The following IQCJ variants were observed in gnomAD, a reference collection of about 807,000 sequenced individuals.
The protein encoded by IQCJ is IQ domain-containing protein J.
In IQCJ, 9 loss-of-function variants were observed where a neutral mutation model predicts 11.0. That is an observed-to-expected ratio of 0.82 (90% confidence interval 0.49 to 1.43). The LOEUF is 1.43. Among genes scored for constraint, IQCJ ranks in the 40% most tolerant of loss-of-function variants. The pLI, the probability that IQCJ is intolerant of heterozygous loss-of-function variation, is 0.00. For missense variants in IQCJ, 146 were observed against 133.2 expected (o/e 1.10, Z -0.47); for synonymous variants, 55 against 51.3 (o/e 1.07, Z -0.31).
At chr3:159,114,503 G>A (rs976747030) in intron 1 of IQCJ, among the ~76,000 whole-genome samples, 2 of 151,884 alleles carry the variant, frequency 1.3e-5, no homozygotes, top group Middle Eastern at 3.2e-3. Flanking sequence ...TAGAGAAGGG[G>A]TTTCGCCATG....
chr3:159,217,858 G>T (rs546741757), intron 1 of IQCJ, among the ~76,000 whole-genome samples: 1 of 151,992 alleles, frequency 6.6e-6, no homozygotes, highest in African/African-American at 2.4e-5. Context: ...CTATGGGCTC[G>T]CAGAGCCTGT....
intron 1 of IQCJ, among the ~76,000 whole-genome samples, chr3:159,206,867 C>T (rs746911972): frequency 3.9e-5 from 6 of 152,164 alleles, no homozygotes; most frequent in Non-Finnish European, 7.3e-5. Flanking sequence ...ATAAGTAAAA[C>T]TAATATTTAC....
chr3:159,161,604 C>T (rs1445550127), intron 1 of IQCJ, among the ~76,000 whole-genome samples: 1 of 152,102 alleles, frequency 6.6e-6, no homozygotes, highest in African/African-American at 2.4e-5. Context: ...AAGTCCTTGC[C>T]CATGCCTATG....
intron 1 of IQCJ, among the ~76,000 whole-genome samples, chr3:159,171,916 A>G (rs1348729859): frequency 1.3e-5 from 2 of 152,224 alleles, no homozygotes; most frequent in Admixed American, 6.5e-5. Context: ...TGGTCCAAGG[A>G]CAACATTTTG....
At chr3:159,154,210 G>T (rs747288514) in intron 1 of IQCJ, among the ~76,000 whole-genome samples, 1 of 152,116 alleles carries the variant, frequency 6.6e-6, no homozygotes, top group Non-Finnish European at 1.5e-5. Flanking sequence ...TTCACACTTA[G>T]ATTGCTTCAT....
intron 3 of IQCJ, among the ~76,000 whole-genome samples, chr3:159,259,391 T>C (rs1025017741): frequency 3.3e-5 from 5 of 152,172 alleles, no homozygotes; most frequent in Non-Finnish European, 7.3e-5. Context: ...CTTTAAATAA[T>C]TATAATGAAT....
chr3:159,107,135 AT>A (rs933554952), intron 1 of IQCJ, among the ~76,000 whole-genome samples: 5 of 152,130 alleles, frequency 3.3e-5, no homozygotes, highest in African/African-American at 1.2e-4. Flanking sequence ...TGTGGTTTAA[AT>A]TTTTGTGTCT....
In IQCJ at chr3:159,245,877, A is replaced by G. The variant is rs779733544; in HGVS notation, c.44A>G (p.Gln15Arg). 17 of 1,545,770 alleles carry G rather than the reference A, an allele frequency of 1.1e-5. No individual in the cohort carries two copies. Among genetic ancestry groups the G allele is most frequent in the African/African-American group, 6.8e-5 (5 of 73,288 alleles). The change falls in exon 2 of 4, where the codon CAA (glutamine) becomes CGA (arginine). Residue 15 changes from glutamine (Q) to arginine (R), a missense_variant. Physicochemically the swap from Gln to Arg is conservative, Grantham distance 43 (BLOSUM62 1). Coordinates refer to ENST00000397832, the MANE Select transcript of IQCJ (RefSeq NM_001042706.3). ...AAAAGATTGCAGAATCCTCTAGAAC[A>G]AGTTAATGATGGAAAATATTCATTT... The part of the protein sequence containing the change: ...ELKRLQNPLE[Q>R]VNDGKYSFEN...
At chr3:159,109,404 T>A (rs1718472075) in intron 1 of IQCJ, among the ~76,000 whole-genome samples, 2 of 151,962 alleles carry the variant, frequency 1.3e-5, no homozygotes, top group African/African-American at 4.8e-5. Flanking sequence ...TCTCACATTC[T>A]CTTGACTTGG....
chr3:159,105,225 A>G (rs61119579), intron 1 of IQCJ, among the ~76,000 whole-genome samples: 57,685 of 151,980 alleles, frequency 0.38, 11,947 homozygotes, highest in Non-Finnish European at 0.49. Flanking sequence ...ATTTGAACAC[A>G]TGTTTATCTG....
At chr3:159,252,881 G>A (rs944198127) in intron 3 of IQCJ, 74 bp downstream of exon 3, 40 of 1,426,320 alleles carry the variant, frequency 2.8e-5, no homozygotes, top group Non-Finnish European at 3.6e-5. Context: ...TGGAATTTTC[G>A]GGCACAACAG....
At chr3:159,213,777 C>T (rs534024275) in intron 1 of IQCJ, among the ~76,000 whole-genome samples, 3 of 152,270 alleles carry the variant, frequency 2.0e-5, no homozygotes, top group South Asian at 2.1e-4. Flanking sequence ...TAGATTCAAT[C>T]ACCTTCTTTC....
intron 1 of IQCJ, among the ~76,000 whole-genome samples, chr3:159,075,161 T>G (rs73025584): frequency 0.034 from 5,178 of 152,198 alleles, 276 homozygotes; most frequent in African/African-American, 0.12. Context: ...CAGAAATGAA[T>G]AGTAAGTTTT....
At chr3:159,182,681 C>T (rs890273978) in intron 1 of IQCJ, among the ~76,000 whole-genome samples, 9 of 151,826 alleles carry the variant, frequency 5.9e-5, no homozygotes, top group Admixed American at 2.0e-4. Context: ...GTAAGTAGAT[C>T]GGAACAAAAC....
intron 1 of IQCJ, among the ~76,000 whole-genome samples, chr3:159,155,734 G>A (rs1721482033): frequency 6.6e-6 from 1 of 152,146 alleles, no homozygotes; most frequent in South Asian, 2.1e-4. Context: ...TTAAAGGATT[G>A]TAGAAACTAA....
intron 1 of IQCJ, among the ~76,000 whole-genome samples, chr3:159,220,454 T>C (rs750673442): frequency 3.9e-5 from 6 of 152,116 alleles, no homozygotes. Flanking sequence ...AGAGCTGTCA[T>C]TTGCAAGTCA....
At chr3:159,197,031 A>G (rs1411174687) in intron 1 of IQCJ, among the ~76,000 whole-genome samples, 2 of 152,048 alleles carry the variant, frequency 1.3e-5, no homozygotes, top group African/African-American at 4.8e-5. Context: ...GTCTTCATTA[A>G]AGGCACCTGG....
At chr3:159,163,176 A>T (rs1343039093) in intron 1 of IQCJ, among the ~76,000 whole-genome samples, 1 of 152,240 alleles carries the variant, frequency 6.6e-6, no homozygotes. Flanking sequence ...AATCCTCAAT[A>T]AAATAGTGGC....
At chr3:159,127,649 G>T (rs1010008056) in intron 1 of IQCJ, among the ~76,000 whole-genome samples, 5 of 152,176 alleles carry the variant, frequency 3.3e-5, no homozygotes, top group Admixed American at 6.5e-5. Flanking sequence ...AGAAAGCATA[G>T]TGCATTTAGT....
Sources: gnomAD v4.1 joint callset for allele counts (sites outside exome capture counted in the v4.1 genomes callset) on GRCh38, gnomAD v4.1.1 for gene constraint, MANE v1.5 for transcripts, NCBI Gene and HGNC (gene_info 2026-07-23, HGNC 2026-07-21) for gene names.